RNF213: variants seen among roughly 807,000 people sequenced by gnomAD.
RNF213 encodes E3 ubiquitin-protein ligase RNF213.
A neutral mutation model predicts 514.4 loss-of-function variants in RNF213; 341 were observed. The ratio of observed to expected loss-of-function variants is 0.66; its 90% CI spans 0.61 to 0.73. RNF213 has a LOEUF of 0.73. RNF213 is among the 30% of genes least tolerant of loss of function. The pLI, the probability that RNF213 is intolerant of heterozygous loss-of-function variation, is 0.00. For synonymous variants in RNF213, 2,655 were observed against 2,658.2 expected (o/e 1.00, Z 0.04); for missense variants, 5,767 against 6,615.6 (o/e 0.87, Z 4.45).
chr17:80,348,343 C>T (rs1019992618), intron 29 of RNF213, 57 bp downstream of exon 29: 17 of 1,597,660 alleles, frequency 1.1e-5, no homozygotes, highest in Non-Finnish European at 1.4e-5. Flanking sequence ...TCCTAAATCC[C>T]TCGTGTCAGG....
chr17:80,396,275 A>ATAACG lies in RNF213; in HGVS notation c.*2780_*2781insCGTAA, dbSNP rs145164928. ...AGACCCTGTCTCAAAAAAAAATAAA[A>ATAACG]TAAGGACCTTATTGTGTGTGCAAAT... On this transcript the variant is annotated 3_prime_UTR_variant, in exon 68 of 68. Transcript: ENST00000582970. The ATAACG allele has an allele frequency of 1.6e-4, 1 of 6,262 alleles. No homozygotes were observed. Among genetic ancestry groups the ATAACG allele is most frequent in the Non-Finnish European group, 4.9e-4 (1 of 2,052 alleles). The allele number at this position is 6,262 out of a possible 1,614,324, so 0.4% of individuals were successfully genotyped here.
In RNF213 at chr17:80,264,934, C is replaced by T. The variant is rs115076865; in HGVS notation, c.97+1156C>T. Reference sequence around the variant, plus strand: ...CTTTGCACCACCCTTCCCCAGAGGGCGGCCTGGCTCCCTCCTTCCCCTCTT... The same window carrying T: ...CTTTGCACCACCCTTCCCCAGAGGGTGGCCTGGCTCCCTCCTTCCCCTCTT... On this transcript the variant is annotated intron_variant, in intron 2 of 67. Coordinates refer to ENST00000582970, the MANE Select transcript of RNF213 (RefSeq NM_001256071.3). This position sits in a 1 kb window ranked among gnomAD's most constrained non-coding sequence, Gnocchi z 5.0. Among the ~76,000 whole-genome samples the T allele has an allele frequency of 0.011, 1,689 of 152,228 alleles. 30 individuals are homozygous for T. Among genetic ancestry groups the T allele is most frequent in the African/African-American group, 0.038 (1,567 of 41,522 alleles).
In RNF213 at chr17:80,353,550, G is replaced by T; in HGVS notation, c.10462G>T (p.Ala3488Ser). The T allele has an allele frequency of 6.2e-7, 1 of 1,613,786 alleles. No individual in the cohort carries two copies. The highest frequency in any genetic ancestry group is 8.5e-7 in the Non-Finnish European group (1 of 1,179,848). The change falls in exon 34 of 68, where the codon GCG becomes TCG. Residue 3488 changes from alanine (A) to serine (S), a missense_variant. Ala to Ser is a moderately conservative substitution (Grantham distance 99, BLOSUM62 1). Around this residue, in one of 13 missense-constraint regions of RNF213, gnomAD observed 919 missense variants for 1,121.0 expected, o/e 0.82. Transcript: ENST00000582970. The surrounding 1 kb of genome is among the most constrained non-coding windows in gnomAD (Gnocchi z 5.0). ...CCGGGCGGAAGACGGCCATGAGGAGGCGATGGAGACGGAGGCCAGCACATC... is the reference window on the plus strand; with the variant it reads ...CCGGGCGGAAGACGGCCATGAGGAGTCGATGGAGACGGAGGCCAGCACATC... ...EHRAEDGHEE[A>S]METEASTSGE... is the part of the protein sequence containing the mutation.
chr17:80,367,944 C>A lies in RNF213; in HGVS notation c.11973-17C>A. On this transcript the variant is annotated splice_polypyrimidine_tract_variant and intron_variant, in intron 43 of 67. Coordinates refer to ENST00000582970, the MANE Select transcript of RNF213 (RefSeq NM_001256071.3). ...AGTTTCTCTGCTTCAGAACTGATTG[C>A]CCTTCTTGGATTCTAGGTTTGGGAT... is the stretch of plus-strand genomic sequence containing the variant. 3 of 1,614,226 alleles carry A rather than the reference C, an allele frequency of 1.9e-6. No individual in the cohort carries two copies. The highest frequency in any genetic ancestry group is 2.5e-6 in the Non-Finnish European group (3 of 1,180,030).
At chr17:80,350,458 A>G (rs991935105) in intron 31 of RNF213, 62 bp downstream of exon 31, 81 of 1,087,240 alleles carry the variant, frequency 7.5e-5, no homozygotes, top group Non-Finnish European at 1.0e-4. Flanking sequence ...GAAGTCCTAG[A>G]GAATTTTTTC....
At chr17:80,304,431 G>A (rs1373191945) in intron 11 of RNF213, among the ~76,000 whole-genome samples, 3 of 152,106 alleles carry the variant, frequency 2.0e-5, no homozygotes, top group African/African-American at 7.2e-5. Flanking sequence ...ACAAGGTCAG[G>A]AGATCGAGAC....
chr17:80,276,895 A>G (rs113560699), intron 3 of RNF213, among the ~76,000 whole-genome samples: 3 of 151,604 alleles, frequency 2.0e-5, no homozygotes, highest in African/African-American at 7.3e-5. Flanking sequence ...TACTAAAAAT[A>G]CAAAAAAAAA....
In RNF213 at chr17:80,288,877, C is replaced by G; in HGVS notation, c.933+122C>G. ...GGATATAGCCATGATTCAGACAAAG[C>G]TCTGGCCTTCGGGGTGCTCACATTC... On this transcript the variant is annotated intron_variant, in intron 5 of 67. Transcript: ENST00000582970. This position sits in a 1 kb window ranked among gnomAD's most constrained non-coding sequence, Gnocchi z 4.9. 1 of 1,536,358 alleles carries G rather than the reference C, an allele frequency of 6.5e-7. No individual in the cohort carries two copies. The highest frequency in any genetic ancestry group is 8.9e-7 in the Non-Finnish European group (1 of 1,125,200).
Position 80,294,812 on chromosome 17 carries a change from C to A in RNF213, c.1564C>A (p.Leu522Met), listed in dbSNP as rs1451232585. ...CATCACAGACGGGCCGAGGAAGGAC[C>A]TGGTGAAGGGGAAGCAGATTGCCGC... ...NHITDGPRKD[L>M]VKGKQIAAAL... The change falls in exon 9 of 68, where the codon CTG (leucine) becomes ATG (methionine). Residue 522 changes from leucine to methionine, a missense_variant. Leu to Met is a conservative substitution (Grantham distance 15). This residue lies in a region of RNF213 where 592 missense variants were observed against 673.9 expected (regional missense o/e 0.88). Coordinates refer to ENST00000582970, the MANE Select transcript of RNF213 (RefSeq NM_001256071.3). 2 of 1,614,050 alleles carry A rather than the reference C, an allele frequency of 1.2e-6. No individual in the cohort carries two copies. The highest frequency in any genetic ancestry group is 1.7e-5 in the Admixed American group (1 of 59,988).
At chr17:80,296,882 A>C (rs1327753939) in intron 10 of RNF213, among the ~76,000 whole-genome samples, 1 of 151,498 alleles carries the variant, frequency 6.6e-6, no homozygotes, top group Admixed American at 6.6e-5. Flanking sequence ...GGGTTTCACC[A>C]TGTTGCCACG....
At position 80,346,535 on chromosome 17, in the gene RNF213, G is replaced by T. The variant is rs750239349; in HGVS notation, c.8200G>T (p.Asp2734Tyr). 3.1e-6 allele frequency: 5 copies of T among 1,613,470 alleles called. No individual in the cohort carries two copies. ...EITRAQDLFL[D>Y]GVPLRKTIAK... is the part of the protein sequence containing the mutation. The stretch of plus-strand genomic sequence containing the variant: ...AACACGGGCACAGGATCTTTTTCTG[G>T]ACGGCGTACCTCTGAGGAAAACCAT... The change falls in exon 29 of 68, where the codon GAC (aspartate) becomes TAC (tyrosine). Residue 2734 changes from aspartate to tyrosine, a missense_variant. Asp to Tyr is a radical substitution (Grantham distance 160). This residue lies in a region of RNF213 where 1,377 missense variants were observed against 1,635.2 expected (regional missense o/e 0.84). Coordinates refer to ENST00000582970, the MANE Select transcript of RNF213 (RefSeq NM_001256071.3). The surrounding 1 kb of genome is among the most constrained non-coding windows in gnomAD (Gnocchi z 8.1).
intron 22 of RNF213, among the ~76,000 whole-genome samples, chr17:80,335,914 T>G (rs904730174): frequency 3.3e-5 from 5 of 150,622 alleles, no homozygotes; most frequent in Non-Finnish European, 7.4e-5. Context: ...AAGGTGGAGG[T>G]TGCAGTGAGC....
intron 11 of RNF213, among the ~76,000 whole-genome samples, chr17:80,304,120 C>G (rs911110209): frequency 1.3e-5 from 2 of 151,948 alleles, no homozygotes; most frequent in African/African-American, 4.8e-5. Flanking sequence ...TCTGCAGTAG[C>G]ATTGTTCCTA....
chr17:80,280,599 G>A (rs981639941), intron 3 of RNF213, among the ~76,000 whole-genome samples: 10 of 151,818 alleles, frequency 6.6e-5, no homozygotes, highest in African/African-American at 2.4e-4. Context: ...GACTACAGGC[G>A]TGCACCACCA....
intron 6 of RNF213, among the ~76,000 whole-genome samples, chr17:80,290,276 G>T (rs1005199110): frequency 2.0e-5 from 3 of 152,248 alleles, no homozygotes; most frequent in Admixed American, 6.5e-5. Flanking sequence ...ACGAACACAA[G>T]GACCATGTGC....
At chr17:80,338,126 C>T in intron 25 of RNF213, 129 bp downstream of exon 25, 1 of 1,170,500 alleles carries the variant, frequency 8.5e-7, no homozygotes, top group South Asian at 1.4e-5. Context: ...TGCTCTTAGG[C>T]CCATGGAGAG....
Position 80,353,453 on chromosome 17 carries a change from C to T in RNF213, c.10424-59C>T. 2 of 1,549,826 alleles carry T rather than the reference C, an allele frequency of 1.3e-6. No homozygotes were observed. The highest frequency in any genetic ancestry group is 1.8e-6 in the Non-Finnish European group (2 of 1,142,380). ...GCACACAGACTCCCAGATGGCACCGCTGCCAGTCCCTGTGCCACCTTCTGA... is the reference window on the plus strand; with the variant it reads ...GCACACAGACTCCCAGATGGCACCGTTGCCAGTCCCTGTGCCACCTTCTGA... On this transcript the variant is annotated intron_variant, in intron 33 of 67. Transcript: ENST00000582970. The surrounding 1 kb of genome is among the most constrained non-coding windows in gnomAD (Gnocchi z 5.0).
At position 80,291,503 on chromosome 17, in the gene RNF213, A is replaced by G. The variant is rs565539270; in HGVS notation, c.1272-125A>G. ...CTCCCATGGTGTTGGGATTTCAGGCATGGGCCACTGAACCCAGCCTTGCCA... is the reference window on the plus strand; with the variant it reads ...CTCCCATGGTGTTGGGATTTCAGGCGTGGGCCACTGAACCCAGCCTTGCCA... On this transcript the variant is annotated intron_variant, in intron 7 of 67. Transcript: ENST00000582970. 1.8e-5 allele frequency: 17 copies of G among 946,200 alleles called. No individual in the cohort carries two copies. The African/African-American group carries it at 2.4e-4, about 13-fold the overall frequency. The allele number at this position is 946,200 out of a possible 1,614,324, so 58.6% of individuals were successfully genotyped here.
chr17:80,275,883 C>T (rs564918581), intron 3 of RNF213, among the ~76,000 whole-genome samples: 13 of 150,698 alleles, frequency 8.6e-5, no homozygotes, highest in Non-Finnish European at 1.8e-4. Flanking sequence ...AGGATGGTCT[C>T]GATCTCCTGA....
Sources: allele counts gnomAD v4.1 joint callset (sites outside exome capture counted in the v4.1 genomes callset), GRCh38; gene constraint gnomAD v4.1.1; regional missense constraint gnomAD v4.1.1; non-coding constraint Gnocchi (gnomAD v3.1); transcripts MANE v1.5; gene names NCBI Gene and HGNC (gene_info 2026-07-23, HGNC 2026-07-21).